Variants in PARVG observed in about 807,000 individuals in gnomAD.
PARVG encodes parvin gamma.
Under a neutral mutation model 44.4 loss-of-function variants are expected in PARVG, and 36 were observed. The observed-to-expected ratio is 0.81, with a 90% CI of 0.62 to 1.07. PARVG has a LOEUF of 1.07. PARVG is among the 50% of genes least tolerant of loss of function. The pLI is 0.00. For synonymous variants in PARVG, 170 were observed against 174.1 expected, an observed-to-expected ratio of 0.98 and a Z score of 0.19; for missense variants, 407 against 407.4, an observed-to-expected ratio of 1.00 and a Z score of 0.01.
At position 44,198,710 on chromosome 22, in the gene PARVG, T is replaced by C; in HGVS notation, c.801T>C (p.Ser267=). ...HLKEFYLTPN[S]PAEMLHNVTL... ...AGGAATTCTACCTCACTCCCAACTC[T>C]CCTGCAGAAATGGTAAGTTTTCCAA... The change falls in exon 12 of 14, where the codon TCT becomes TCC. Residue 267 remains serine (S), a synonymous_variant. Coordinates refer to ENST00000444313, the MANE Select transcript of PARVG (RefSeq NM_022141.7). The C allele has an allele frequency of 6.2e-7, 1 of 1,609,780 alleles. No homozygotes were observed. Among genetic ancestry groups the C allele is most frequent in the Non-Finnish European group, 8.5e-7 (1 of 1,176,010 alleles).
chr22:44,198,909 C>CCCATCCATCCACCCACCCATCCATCCAT (rs1569186332), intron 12 of PARVG, among the ~76,000 whole-genome samples, 187 bp downstream of exon 12: 10 of 111,262 alleles, frequency 9.0e-5, no homozygotes, highest in African/African-American at 1.6e-4. Flanking sequence ...CATCCATCTA[C>CCCATCCATCCACCCACCCATCCATCCAT]CCATCCATCC....
upstream of PARVG, among the ~76,000 whole-genome samples, chr22:44,177,036 A>G (rs1475662323): frequency 2.0e-5 from 3 of 152,158 alleles, no homozygotes; most frequent in Non-Finnish European, 2.9e-5. Context: ...CGTGGGGATT[A>G]TGGGAGCTAC....
upstream of PARVG, among the ~76,000 whole-genome samples, chr22:44,176,812 G>C (rs533479559): frequency 6.6e-6 from 1 of 152,156 alleles, no homozygotes; most frequent in Non-Finnish European, 1.5e-5. Context: ...TGGACTCACC[G>C]TTCCACATGG....
chr22:44,185,998 C>T (rs747504904), intron 4 of PARVG, 126 bp downstream of exon 4: 28 of 732,858 alleles, frequency 3.8e-5, no homozygotes, highest in African/African-American at 9.1e-5. Flanking sequence ...TGGCGACCCC[C>T]GAAGACCCCT....
chr22:44,203,084 G>C (rs1313804883), intron 12 of PARVG, among the ~76,000 whole-genome samples: 1 of 152,176 alleles, frequency 6.6e-6, no homozygotes, highest in Non-Finnish European at 1.5e-5. Flanking sequence ...CTTACTGGGG[G>C]ATGATCTTTT....
chr22:44,191,864 A>T (rs563086318), intron 7 of PARVG, among the ~76,000 whole-genome samples, 185 bp from the exon 8 acceptor site: 79 of 152,112 alleles, frequency 5.2e-4, no homozygotes, highest in African/African-American at 1.8e-3. Context: ...CCACTGTGAG[A>T]CTCTGGGGAT....
At chr22:44,204,027 T>C (rs1601750214) in intron 12 of PARVG, among the ~76,000 whole-genome samples, 1 of 152,230 alleles carries the variant, frequency 6.6e-6, no homozygotes. Flanking sequence ...GTATTTTTAG[T>C]AGAGACAGGG....
At chr22:44,200,573 G>A (rs571785592) in intron 12 of PARVG, among the ~76,000 whole-genome samples, 2 of 152,270 alleles carry the variant, frequency 1.3e-5, no homozygotes, top group South Asian at 2.1e-4. Context: ...CCAGGATCCC[G>A]GGCAGCCAGC....
chr22:44,181,642 C>T (rs770727203), intron 1 of PARVG, 100 bp from the exon 2 acceptor site: 20 of 905,000 alleles, frequency 2.2e-5, no homozygotes, highest in Non-Finnish European at 2.6e-5. Context: ...CCCCGGGGGC[C>T]CAGGCGGCAC....
At position 44,202,290 on chromosome 22, in the gene PARVG, G is replaced by A. The variant is rs374107272; in HGVS notation, c.814-3467G>A. 2.9e-3 allele frequency among the ~76,000 whole-genome samples: 441 copies of A among 152,304 alleles called. 1 individual carries two copies. The highest frequency in any genetic ancestry group is 4.0e-3 in the Non-Finnish European group (272 of 68,024). Reference sequence around the variant, plus strand: ...TGAGACTGGGGTCAGAGCCTGCCTCGGGAAGGCAAGGCACTGAAATGTGAG... The same window carrying A: ...TGAGACTGGGGTCAGAGCCTGCCTCAGGAAGGCAAGGCACTGAAATGTGAG... On this transcript the variant is annotated intron_variant, in intron 12 of 13. Coordinates refer to ENST00000444313, the MANE Select transcript of PARVG (RefSeq NM_022141.7).
intron 11 of PARVG, among the ~76,000 whole-genome samples, chr22:44,196,711 G>T (rs972876360): frequency 2.0e-5 from 3 of 152,174 alleles, no homozygotes; most frequent in African/African-American, 7.2e-5. Context: ...ACTAGCTGAT[G>T]CCAAGACTTG....
In PARVG at chr22:44,181,001, T is replaced by C; in HGVS notation, c.-373T>C. 1 of 984,722 alleles carries C rather than the reference T, an allele frequency of 1.0e-6. No individual in the cohort carries two copies. Among genetic ancestry groups the C allele is most frequent in the Non-Finnish European group, 1.2e-6 (1 of 829,272 alleles). 61.0% of individuals were successfully genotyped at this position (984,722 alleles called of 1,614,324 possible). A position where few individuals can be genotyped will look rare whatever the true frequency, so the allele number is the denominator to read the frequency against. On this transcript the variant is annotated 5_prime_UTR_variant, in exon 1 of 14. It removes an upstream start codon present in the reference 5' UTR. Coordinates refer to ENST00000444313, the MANE Select transcript of PARVG (RefSeq NM_022141.7). ...GATCTCTCCTTCTCGAACCCTGCTA[T>C]GCCTTTGCATACGCTGTTTTCTCCA...
Position 44,206,491 on chromosome 22 carries a change from G to A in PARVG, c.*65G>A. On this transcript the variant is annotated 3_prime_UTR_variant, in exon 14 of 14. Transcript: ENST00000444313. ...CAGCTGGAGGGCCCGAGGCTGCAGG[G>A]TGTCCTCCCACAGTCCCGCTGTTTC... 7.0e-7 allele frequency: 1 copy of A among 1,430,932 alleles called. No individual in the cohort carries two copies. Among genetic ancestry groups the A allele is most frequent in the Non-Finnish European group, 9.8e-7 (1 of 1,015,346 alleles). The allele number at this position is 1,430,932 out of a possible 1,614,324, so 88.6% of individuals were successfully genotyped here.
intron 11 of PARVG, 144 bp from the exon 12 acceptor site, chr22:44,198,477 A>G: frequency 1.5e-6 from 1 of 678,374 alleles, no homozygotes; most frequent in Non-Finnish European, 2.6e-6. Context: ...CTGTGAGGTC[A>G]GGCATGTCTT....
upstream of PARVG, among the ~76,000 whole-genome samples, chr22:44,178,996 A>T (rs2054343326): frequency 6.6e-6 from 1 of 152,138 alleles, no homozygotes; most frequent in East Asian, 1.9e-4. Context: ...TTTATTTTTT[A>T]TTAATTTTTA....
At chr22:44,206,292 T>C (rs3842785) in intron 13 of PARVG, 25 bp from the exon 14 acceptor site, 191,111 of 1,573,898 alleles carry the variant, frequency 0.12, 13,040 homozygotes, top group Non-Finnish European at 0.14. Context: ...CCTGACTGGC[T>C]GCCCTGCCCT....
intron 2 of PARVG, 54 bp from the exon 3 acceptor site, chr22:44,183,264 A>C: frequency 2.7e-6 from 4 of 1,498,290 alleles, no homozygotes; most frequent in Non-Finnish European, 3.6e-6. Flanking sequence ...TGAGGGGCTC[A>C]GTGAGTTTGG....
rs577754876 is a variant in PARVG, at chr22:44,206,716, G to T, written c.*290G>T. ...TAAACCTGCAGCCTCCCTCCCATGG[G>T]GTGAGTGTGTGTCACATCAGTCTCT... is the stretch of plus-strand genomic sequence containing the variant. On this transcript the variant is annotated 3_prime_UTR_variant, in exon 14 of 14. Coordinates refer to ENST00000444313, the MANE Select transcript of PARVG (RefSeq NM_022141.7). 1 of 410,432 alleles carries T rather than the reference G, an allele frequency of 2.4e-6. No individual in the cohort carries two copies. Among genetic ancestry groups the T allele is most frequent in the East Asian group, 5.3e-5 (1 of 19,010 alleles). The allele number at this position is 410,432 out of a possible 1,614,324, so 25.4% of individuals were successfully genotyped here. A position where few individuals can be genotyped will look rare whatever the true frequency, so the allele number is the denominator to read the frequency against.
intron 1 of PARVG, among the ~76,000 whole-genome samples, chr22:44,174,547 A>G (rs899872903): frequency 3.9e-5 from 5 of 129,082 alleles, no homozygotes; most frequent in African/African-American, 9.6e-5. Context: ...TCTCCGCTAA[A>G]AACAAACAAA....
Sources: gnomAD v4.1 joint callset for allele counts (sites outside exome capture counted in the v4.1 genomes callset) on GRCh38, gnomAD v4.1.1 for gene constraint, MANE v1.5 for transcripts, NCBI Gene and HGNC (gene_info 2026-07-23, HGNC 2026-07-21) for gene names.